The following HFM1 variants were observed in gnomAD, a reference collection of about 807,000 sequenced individuals.
HFM1 encodes probable ATP-dependent DNA helicase HFM1.
HFM1 carries 169 observed loss-of-function variants against 192.1 expected under a neutral mutation model. That is an observed-to-expected ratio of 0.88 (90% confidence interval 0.78 to 1.00). The LOEUF (loss-of-function observed/expected upper bound fraction) is 1.00. Ranked by LOEUF, HFM1 falls within the 50% of genes least tolerant of loss-of-function variation. HFM1 has a pLI of 0.00. For missense variants in HFM1, 1,661 were observed against 1,668.0 expected, an observed-to-expected ratio of 1.00 and a Z score of 0.07; for synonymous variants, 525 against 537.8, an observed-to-expected ratio of 0.98 and a Z score of 0.33.
At chr1:91,310,297 A>G (rs997769056) in intron 30 of HFM1, among the ~76,000 whole-genome samples, 8 of 152,214 alleles carry the variant, frequency 5.3e-5, no homozygotes, top group Admixed American at 1.3e-4. Flanking sequence ...GGAAAAAAAA[A>G]CTAGAGAGGT....
chr1:91,298,566 C>G (rs1165029185), intron 30 of HFM1, among the ~76,000 whole-genome samples: 1 of 152,176 alleles, frequency 6.6e-6, no homozygotes, highest in South Asian at 2.1e-4. Flanking sequence ...AAAGGGAAAT[C>G]CATCAGACTA....
At chr1:91,328,546 G>A (rs201401290) in intron 20 of HFM1, 7 of 1,612,338 alleles carry the variant, frequency 4.3e-6, no homozygotes, top group East Asian at 4.5e-5. Context: ...GCTGCAGAAC[G>A]AGGAGGGTGA....
At chr1:91,265,174 T>C (rs1208290030) in intron 36 of HFM1, among the ~76,000 whole-genome samples, 1 of 152,166 alleles carries the variant, frequency 6.6e-6, no homozygotes, top group Non-Finnish European at 1.5e-5. Flanking sequence ...TTTTCTGTGC[T>C]TAAATATTTT....
intron 11 of HFM1, among the ~76,000 whole-genome samples, chr1:91,376,389 A>G (rs1294347668): frequency 6.6e-6 from 1 of 151,992 alleles, no homozygotes; most frequent in African/African-American, 2.4e-5. Flanking sequence ...ATAAGATCAC[A>G]TAAGAATTTA....
In HFM1 at chr1:91,290,955, G is replaced by A. The variant is rs190531608; in HGVS notation, c.3392-13893C>T. ...ACAACCTGCTCCTAAATGACTACTG[G>A]GTACATAACGAAATGAAGGCAGAAA... is the stretch of plus-strand genomic sequence containing the variant. On this transcript the variant is annotated intron_variant, in intron 30 of 38. Coordinates refer to ENST00000370425, the MANE Select transcript of HFM1 (RefSeq NM_001017975.6). Among the ~76,000 whole-genome samples, 280 of 152,116 alleles carry A rather than the reference G, an allele frequency of 1.8e-3. 1 individual carries two copies. Among genetic ancestry groups the A allele is most frequent in the African/African-American group, 6.3e-3 (262 of 41,496 alleles).
At position 91,265,998 on chromosome 1, in the gene HFM1, C is replaced by A. The variant is rs1345493141; in HGVS notation, c.3974+19G>T. On this transcript the variant is annotated intron_variant, in intron 36 of 38. Coordinates refer to ENST00000370425, the MANE Select transcript of HFM1 (RefSeq NM_001017975.6). ...GATATAAAGTTGCAAATATTACAAACCTAAGTTCTAAAACTTGCCTGTTTG... is the reference window on the plus strand; with the variant it reads ...GATATAAAGTTGCAAATATTACAAAACTAAGTTCTAAAACTTGCCTGTTTG... The A allele has an allele frequency of 6.3e-7, 1 of 1,588,360 alleles. No homozygotes were observed. Among genetic ancestry groups the A allele is most frequent in the Admixed American group, 1.9e-5 (1 of 52,136 alleles).
In HFM1 at chr1:91,351,588, T is replaced by C. The variant is rs1357525798; in HGVS notation, c.2033A>G (p.Tyr678Cys). The part of the protein sequence containing the change: ...IMTRLSTRDK[Y>C]IQMLACRDTV... Reference sequence around the variant, plus strand: ...GTCTCTACAAGCTAACATCTGAATGTACTTGTCCCTTGTGCTTAATCGAGT... The same window carrying C: ...GTCTCTACAAGCTAACATCTGAATGCACTTGTCCCTTGTGCTTAATCGAGT... Residue 678 changes from tyrosine to cysteine, a missense_variant, in exon 17 of 39, where the codon TAC becomes TGC. Transcript: ENST00000370425. The C allele has an allele frequency of 4.4e-6, 7 of 1,602,852 alleles. No homozygotes were observed. The highest frequency in any genetic ancestry group is 6.0e-6 in the Non-Finnish European group (7 of 1,173,872).
chr1:91,328,961 C>T (rs2101472240), intron 20 of HFM1: 1 of 1,612,648 alleles, frequency 6.2e-7, no homozygotes, highest in Non-Finnish European at 8.5e-7. Context: ...AATGCAACAC[C>T]TGACTGCCAG....
Position 91,353,291 on chromosome 1 carries a change from T to A in HFM1, c.1694A>T (p.Lys565Met), listed in dbSNP as rs1657214095. ...MTVEQKQRLQ[K>M]YAYSVRDSKL... ...TGAATCTCTTACGGAATATGCATAC[T>A]TCTGTAACCTATTTAAAAATACCAT... Residue 565 changes from lysine (K) to methionine (M), a missense_variant, in exon 14 of 39, where the codon AAG becomes ATG. By Grantham distance (95) the Lys-to-Met change is moderately conservative. Coordinates refer to ENST00000370425, the MANE Select transcript of HFM1 (RefSeq NM_001017975.6). 1 of 1,549,828 alleles carries A rather than the reference T, an allele frequency of 6.5e-7. No individual in the cohort carries two copies.
At chr1:91,281,668 T>C (rs562475657) in intron 30 of HFM1, among the ~76,000 whole-genome samples, 1 of 152,370 alleles carries the variant, frequency 6.6e-6, no homozygotes, top group East Asian at 1.9e-4. Context: ...TCATACTTAG[T>C]AGTTTGGCTG....
chr1:91,268,005 A>G, intron 34 of HFM1, 150 bp from the exon 35 acceptor site: 1 of 576,818 alleles, frequency 1.7e-6, no homozygotes, highest in Non-Finnish European at 3.0e-6. Context: ...GTGTATGTAT[A>G]AAAGACTATA....
chr1:91,379,639 A>C (rs1333182748), intron 8 of HFM1, among the ~76,000 whole-genome samples: 2 of 148,294 alleles, frequency 1.3e-5, no homozygotes, highest in Non-Finnish European at 3.0e-5. Flanking sequence ...AGAACTAAAA[A>C]TAGAAATAGA....
At chr1:91,295,734 C>T (rs1647445291) in intron 30 of HFM1, among the ~76,000 whole-genome samples, 1 of 152,038 alleles carries the variant, frequency 6.6e-6, no homozygotes, top group Non-Finnish European at 1.5e-5. Flanking sequence ...TTAATTTTAA[C>T]ATAGTCAAAT....
chr1:91,296,180 A>C (rs936330309), intron 30 of HFM1, among the ~76,000 whole-genome samples: 2 of 152,150 alleles, frequency 1.3e-5, no homozygotes, highest in Admixed American at 1.3e-4. Flanking sequence ...TGGCCTCCCA[A>C]AATGCTGGGA....
intron 20 of HFM1, among the ~76,000 whole-genome samples, chr1:91,325,476 TGA>T (rs1557853336): frequency 6.6e-6 from 1 of 152,166 alleles, no homozygotes. Flanking sequence ...TCTGTATTTT[TGA>T]GAGAAAGTAA....
chr1:91,300,504 T>C (rs565436976), intron 30 of HFM1, among the ~76,000 whole-genome samples: 8 of 152,146 alleles, frequency 5.3e-5, no homozygotes, highest in African/African-American at 1.9e-4. Flanking sequence ...TAGACCAATA[T>C]CCCTGATGAA....
At chr1:91,384,585 G>A (rs1661945891) in intron 6 of HFM1, among the ~76,000 whole-genome samples, 1 of 152,018 alleles carries the variant, frequency 6.6e-6, no homozygotes, top group Non-Finnish European at 1.5e-5. Flanking sequence ...CTCAAAGGAT[G>A]AGAAATTATC....
intron 20 of HFM1, among the ~76,000 whole-genome samples, chr1:91,327,523 T>C (rs1653097931): frequency 6.6e-6 from 1 of 152,038 alleles, no homozygotes; most frequent in Non-Finnish European, 1.5e-5. Flanking sequence ...TAGGCCCCAA[T>C]ATGATGATAG....
In HFM1 at chr1:91,379,095, T is replaced by C; in HGVS notation, c.1126A>G (p.Ile376Val). Residue 376 changes from isoleucine (I) to valine (V), a missense_variant, in exon 9 of 39, where the codon ATT becomes GTT. Ile to Val is a conservative substitution (Grantham distance 29, BLOSUM62 3). Transcript: ENST00000370425. ...GTCATAATAATATGGGCATGCTGAA[T>C]CTCAAATAGATCATCCATTACTGTA... ...GDTVMDDLFE[I>V]QHAHIIMTTP... 6.3e-7 allele frequency: 1 copy of C among 1,594,184 alleles called. No homozygotes were observed. Among genetic ancestry groups the C allele is most frequent in the Non-Finnish European group, 8.6e-7 (1 of 1,169,208 alleles).
Sources: gnomAD v4.1 joint callset for allele counts (sites outside exome capture counted in the v4.1 genomes callset) on GRCh38, gnomAD v4.1.1 for gene constraint, MANE v1.5 for transcripts, NCBI Gene and HGNC (gene_info 2026-07-23, HGNC 2026-07-21) for gene names.